Variants in CSMD1 observed in about 807,000 individuals in gnomAD.
The protein encoded by CSMD1 is CUB and sushi domain-containing protein 1.
In CSMD1, 213 loss-of-function variants were observed where a neutral mutation model predicts 417.5. That is an observed-to-expected ratio of 0.51 (90% confidence interval 0.46 to 0.57). The LOEUF is 0.57. CSMD1 is among the 20% of genes least tolerant of loss of function. The pLI, the probability that CSMD1 is intolerant of heterozygous loss-of-function variation, is 0.00. For synonymous variants in CSMD1, 2,862 were observed against 1,736.8 expected, an observed-to-expected ratio of 1.65 and a Z score of -16.11; for missense variants, 6,923 against 4,529.7, an observed-to-expected ratio of 1.53 and a Z score of -15.17.
intron 3 of CSMD1, among the ~76,000 whole-genome samples, chr8:4,393,935 T>C (rs1428928190): frequency 1.3e-5 from 2 of 152,230 alleles, no homozygotes; most frequent in Admixed American, 6.5e-5. Flanking sequence ...TTGTAAGATA[T>C]TGCCTGTGTT....
At chr8:4,257,048 T>C (rs763341345) in intron 3 of CSMD1, among the ~76,000 whole-genome samples, 16 of 152,170 alleles carry the variant, frequency 1.1e-4, no homozygotes, top group Non-Finnish European at 7.3e-5. Context: ...AAAGTGCCTG[T>C]GTCATCATTT....
intron 10 of CSMD1, among the ~76,000 whole-genome samples, chr8:3,550,750 A>G (rs1280718016): frequency 6.6e-6 from 1 of 152,194 alleles, no homozygotes; most frequent in Non-Finnish European, 1.5e-5. Context: ...CTTCATGGCC[A>G]ACCAGGCTTG....
rs112949147 is a variant in CSMD1, at chr8:4,386,766, C to T, written c.415+33187G>A. ...TGATGACTTTAATTAGGGGTAGAAA[C>T]AGTTGGTTTCAGTTGAAGAGATACA... On this transcript the variant is annotated intron_variant, in intron 3 of 69. Transcript: ENST00000635120. Among the ~76,000 whole-genome samples the T allele has an allele frequency of 9.2e-3, 1,406 of 152,166 alleles. 19 individuals carry two copies. Among genetic ancestry groups the T allele is most frequent in the Middle Eastern group, 0.041 (12 of 294 alleles).
chr8:4,376,925 A>G (rs1802784759), intron 3 of CSMD1, among the ~76,000 whole-genome samples: 1 of 152,124 alleles, frequency 6.6e-6, no homozygotes, highest in Non-Finnish European at 1.5e-5. Context: ...CTGCAATTTT[A>G]TGGAACGGGG....
chr8:4,466,395 AAAC>A (rs1331938751), intron 2 of CSMD1, among the ~76,000 whole-genome samples: 1 of 152,190 alleles, frequency 6.6e-6, no homozygotes, highest in Non-Finnish European at 1.5e-5. Flanking sequence ...GTTGAAGAAA[AAAC>A]AAAGCCAAAA....
chr8:4,696,724 A>G (rs963897890), intron 1 of CSMD1, among the ~76,000 whole-genome samples: 1 of 152,236 alleles, frequency 6.6e-6, no homozygotes, highest in Non-Finnish European at 1.5e-5. Flanking sequence ...CTATTTCACT[A>G]GTACCCAGAA....
At chr8:4,329,678 T>C in intron 3 of CSMD1, among the ~76,000 whole-genome samples, 1 of 152,110 alleles carries the variant, frequency 6.6e-6, no homozygotes, top group East Asian at 1.9e-4. Flanking sequence ...CCAAATCTCA[T>C]GTTGAGATGT....
At chr8:4,009,641 C>G (rs904701134) in intron 4 of CSMD1, among the ~76,000 whole-genome samples, 8 of 152,058 alleles carry the variant, frequency 5.3e-5, no homozygotes, top group Non-Finnish European at 1.5e-5. Flanking sequence ...AAGAAATACA[C>G]CCACATATGT....
At chr8:4,021,523 G>A (rs1489913652) in intron 4 of CSMD1, among the ~76,000 whole-genome samples, 3 of 152,144 alleles carry the variant, frequency 2.0e-5, no homozygotes, top group Non-Finnish European at 4.4e-5. Flanking sequence ...GTAGAGTGTG[G>A]ATGCTCCAGC....
At chr8:3,876,357 G>T (rs986706596) in intron 5 of CSMD1, among the ~76,000 whole-genome samples, 1 of 152,182 alleles carries the variant, frequency 6.6e-6, no homozygotes, top group African/African-American at 2.4e-5. Context: ...TAGTTTTCAT[G>T]TATAGTGTTG....
At chr8:3,147,434 T>C (rs1818911030) in intron 40 of CSMD1, among the ~76,000 whole-genome samples, 1 of 152,186 alleles carries the variant, frequency 6.6e-6, no homozygotes, top group Admixed American at 6.5e-5. Flanking sequence ...CTTCTATAAA[T>C]TGGAGAAACG....
At chr8:4,937,918 A>G (rs1807731004) in intron 1 of CSMD1, among the ~76,000 whole-genome samples, 1 of 152,162 alleles carries the variant, frequency 6.6e-6, no homozygotes, top group Non-Finnish European at 1.5e-5. Flanking sequence ...CCCAAATGTC[A>G]GCTACCTACT....
intron 5 of CSMD1, among the ~76,000 whole-genome samples, chr8:3,966,283 G>C (rs1812674154): frequency 6.6e-6 from 1 of 152,156 alleles, no homozygotes; most frequent in Non-Finnish European, 1.5e-5. Flanking sequence ...TGAATGCAGA[G>C]GGGCTTGGAC....
intron 4 of CSMD1, among the ~76,000 whole-genome samples, chr8:4,009,986 A>G (rs1167301054): frequency 2.0e-5 from 3 of 151,966 alleles, no homozygotes; most frequent in Non-Finnish European, 4.4e-5. Context: ...TTATTTTCTG[A>G]CCCCCTAATC....
chr8:3,832,867 G>A (rs2129088586), intron 5 of CSMD1, among the ~76,000 whole-genome samples: 1 of 152,210 alleles, frequency 6.6e-6, no homozygotes, highest in East Asian at 1.9e-4. Context: ...ACATCTATTT[G>A]GAGAATCCAA....
chr8:3,711,354 G>T (rs1219609545), intron 6 of CSMD1, among the ~76,000 whole-genome samples: 2 of 152,176 alleles, frequency 1.3e-5, no homozygotes, highest in Non-Finnish European at 2.9e-5. Flanking sequence ...CCCCTCCAAG[G>T]AAGGGCTGGC....
At chr8:4,813,574 G>A (rs1192620481) in intron 1 of CSMD1, among the ~76,000 whole-genome samples, 5 of 152,130 alleles carry the variant, frequency 3.3e-5, no homozygotes, top group African/African-American at 1.2e-4. Context: ...AGAGAAACAT[G>A]TTCATCAAAG....
At chr8:3,530,695 T>C (rs1185781020) in intron 10 of CSMD1, among the ~76,000 whole-genome samples, 1 of 152,016 alleles carries the variant, frequency 6.6e-6, no homozygotes, top group Non-Finnish European at 1.5e-5. Context: ...CACAGCCAGC[T>C]AATTTTTGTA....
chr8:3,459,596 A>G (rs1816371710), intron 12 of CSMD1, among the ~76,000 whole-genome samples: 1 of 152,128 alleles, frequency 6.6e-6, no homozygotes, highest in Admixed American at 6.6e-5. Flanking sequence ...GGGGAATTCA[A>G]CCAATAGCAG....
Sources: allele counts gnomAD v4.1 joint callset (sites outside exome capture counted in the v4.1 genomes callset), GRCh38; gene constraint gnomAD v4.1.1; transcripts MANE v1.5; gene names NCBI Gene and HGNC (gene_info 2026-07-23, HGNC 2026-07-21).